Variants in KIDINS220 observed in about 807,000 individuals in gnomAD.
The protein encoded by KIDINS220 is kinase D interacting substrate 220.
In KIDINS220, 63 loss-of-function variants were observed where a neutral mutation model predicts 157.6. The observed-to-expected ratio is 0.40, with a 90% CI of 0.33 to 0.49. KIDINS220 has a LOEUF of 0.49. Among genes scored for constraint, KIDINS220 ranks in the 20% least tolerant of loss-of-function variants. The pLI, the probability that KIDINS220 is intolerant of heterozygous loss-of-function variation, is 0.66. For missense variants in KIDINS220, 1,772 were observed against 2,171.2 expected (o/e 0.82, Z 3.65); for synonymous variants, 732 against 783.6 (o/e 0.93, Z 1.10).
chr2:8,739,194 A>G (rs1254055821), intron 26 of KIDINS220, among the ~76,000 whole-genome samples: 1 of 152,178 alleles, frequency 6.6e-6, no homozygotes, highest in African/African-American at 2.4e-5. Context: ...TACAACTTCT[A>G]CAATTTATCA....
At chr2:8,756,373 T>A (rs1026494173) in intron 22 of KIDINS220, among the ~76,000 whole-genome samples, 2 of 152,214 alleles carry the variant, frequency 1.3e-5, no homozygotes, top group Admixed American at 1.3e-4. Context: ...TTCTGTGGGC[T>A]CTTTGGGATT....
chr2:8,759,886 T>C (rs1558361721), intron 22 of KIDINS220, among the ~76,000 whole-genome samples: 1 of 152,176 alleles, frequency 6.6e-6, no homozygotes, highest in East Asian at 1.9e-4. Flanking sequence ...CTTCTCTCTC[T>C]GCATCCCATA....
chr2:8,729,854 C>T lies in KIDINS220; in HGVS notation c.*866G>A. 2 of 983,978 alleles carry T rather than the reference C, an allele frequency of 2.0e-6. No homozygotes were observed. Among genetic ancestry groups the T allele is most frequent in the Non-Finnish European group, 2.4e-6 (2 of 828,672 alleles). 61.0% of individuals were successfully genotyped at this position (983,978 alleles called of 1,614,324 possible). On this transcript the variant is annotated 3_prime_UTR_variant, in exon 30 of 30. Coordinates refer to ENST00000256707, the MANE Select transcript of KIDINS220 (RefSeq NM_020738.4). ...ATATTTATTAGTACCTATTATTACC[C>T]ATGTCTCCCTGATTTTCCAGAAAAA...
At chr2:8,824,501 C>T (rs1273292423) in intron 2 of KIDINS220, among the ~76,000 whole-genome samples, 1 of 151,844 alleles carries the variant, frequency 6.6e-6, no homozygotes, top group East Asian at 1.9e-4. Context: ...GGCAACATGG[C>T]AAAACCCCAT....
intron 20 of KIDINS220, among the ~76,000 whole-genome samples, chr2:8,777,308 T>A (rs755548305): frequency 2.6e-5 from 4 of 152,162 alleles, no homozygotes; most frequent in Non-Finnish European, 5.9e-5. Flanking sequence ...TTTAGGTTAT[T>A]ATTATTGTTA....
chr2:8,754,731 T>C (rs1667784493), intron 22 of KIDINS220, among the ~76,000 whole-genome samples: 1 of 152,224 alleles, frequency 6.6e-6, no homozygotes, highest in Non-Finnish European at 1.5e-5. Context: ...TCACTTCCAT[T>C]CAAAATGAGG....
chr2:8,817,822 C>T lies in KIDINS220; in HGVS notation c.208-106G>A, dbSNP rs538558235. On this transcript the variant is annotated intron_variant, in intron 3 of 29. Transcript: ENST00000256707. ...ATACCAAATGATCATACCAAGTTGA[C>T]ATGGTGTGACCCATGCTAACTAAAC... The T allele has an allele frequency of 1.3e-5, 9 of 708,916 alleles. No homozygotes were observed. The African/African-American group carries it at 1.6e-4, about 13-fold the overall frequency. The allele number at this position is 708,916 out of a possible 1,614,324, so 43.9% of individuals were successfully genotyped here. A position where few individuals can be genotyped will look rare whatever the true frequency, so the allele number is the denominator to read the frequency against.
intron 6 of KIDINS220, among the ~76,000 whole-genome samples, chr2:8,812,158 C>T (rs534266557): frequency 1.3e-5 from 2 of 152,100 alleles, no homozygotes; most frequent in Non-Finnish European, 2.9e-5. Context: ...ACTCTGTTAT[C>T]CCGGTCAGTT....
At chr2:8,793,589 C>T (rs534327264) in intron 12 of KIDINS220, among the ~76,000 whole-genome samples, 4 of 152,060 alleles carry the variant, frequency 2.6e-5, no homozygotes, top group African/African-American at 4.8e-5. Context: ...ACAAGCACAC[C>T]ACCACGCTCA....
At chr2:8,800,755 A>G (rs1674575337) in intron 8 of KIDINS220, among the ~76,000 whole-genome samples, 1 of 152,214 alleles carries the variant, frequency 6.6e-6, no homozygotes, top group Non-Finnish European at 1.5e-5. Flanking sequence ...AAGACCAGTT[A>G]CCCAGAACAA....
intron 22 of KIDINS220, among the ~76,000 whole-genome samples, chr2:8,768,943 T>A (rs1265560882): frequency 6.6e-6 from 1 of 152,194 alleles, no homozygotes; most frequent in African/African-American, 2.4e-5. Flanking sequence ...TTAGACTAGC[T>A]ACGAAATATT....
chr2:8,828,464 T>G (rs1050434770), intron 1 of KIDINS220, among the ~76,000 whole-genome samples: 1 of 152,204 alleles, frequency 6.6e-6, no homozygotes, highest in African/African-American at 2.4e-5. Context: ...CTACCATAAC[T>G]ATAAGTTCTA....
Position 8,731,616 on chromosome 2 carries a change from C to G in KIDINS220, c.4420G>C (p.Asp1474His). The change falls in exon 30 of 30, where the codon GAT becomes CAT. Residue 1474 changes from aspartate to histidine, a missense_variant. Asp to His is a moderately conservative substitution (Grantham distance 81, BLOSUM62 -1). Transcript: ENST00000256707. This position sits in a 1 kb window ranked among gnomAD's most constrained non-coding sequence, Gnocchi z 5.2. ...TTTTCATCTTCTTCAGTGATAGGAT[C>G]CAGGGGGGAAGCATCGTTGGTGGAA... is the stretch of plus-strand genomic sequence containing the variant. Reference protein sequence around the residue: ...GVSTNDASPLDPITEEDEKSD... With the variant: ...GVSTNDASPLHPITEEDEKSD... 4 of 1,614,140 alleles carry G rather than the reference C, an allele frequency of 2.5e-6. No individual in the cohort carries two copies. The highest frequency in any genetic ancestry group is 3.4e-6 in the Non-Finnish European group (4 of 1,180,024).
chr2:8,747,605 C>T (rs942245963), intron 25 of KIDINS220: 4 of 322,738 alleles, frequency 1.2e-5, no homozygotes, highest in Non-Finnish European at 2.2e-5. Flanking sequence ...AATGTAAAGG[C>T]TTAGTTTTAA....
rs1251218572 is a variant in KIDINS220 at position 8,770,951 on chromosome 2, AC to A, written c.2849-120del. ...TAAAATTTACCATTTAATTTATACT[AC>A]AAATTCAAATCTAGTACTGCCATGG... is the stretch of plus-strand genomic sequence containing the variant. On this transcript the variant is annotated intron_variant, in intron 21 of 29. Coordinates refer to ENST00000256707, the MANE Select transcript of KIDINS220 (RefSeq NM_020738.4). The A allele has an allele frequency of 8.7e-6, 5 of 572,420 alleles. No homozygotes were observed. The Admixed American group carries it at 1.6e-4, about 18-fold the overall frequency. The allele number at this position is 572,420 out of a possible 1,614,324, so 35.5% of individuals were successfully genotyped here. A position where few individuals can be genotyped will look rare whatever the true frequency, so the allele number is the denominator to read the frequency against.
chr2:8,759,187 G>A (rs2148098877), intron 22 of KIDINS220, among the ~76,000 whole-genome samples: 1 of 152,260 alleles, frequency 6.6e-6, no homozygotes, highest in South Asian at 2.1e-4. Context: ...AAGTGTGTTT[G>A]TCTATTTCTG....
At chr2:8,739,447 C>A (rs947876623) in intron 26 of KIDINS220, among the ~76,000 whole-genome samples, 1 of 152,022 alleles carries the variant, frequency 6.6e-6, no homozygotes, top group Non-Finnish European at 1.5e-5. Flanking sequence ...ATGGTAATTA[C>A]CTGCTAGACC....
intron 1 of KIDINS220, among the ~76,000 whole-genome samples, chr2:8,829,129 G>T (rs528955100): frequency 6.6e-6 from 1 of 152,242 alleles, no homozygotes; most frequent in South Asian, 2.1e-4. Flanking sequence ...AAAACTGCAG[G>T]GGCAGAAAAC....
intron 21 of KIDINS220, among the ~76,000 whole-genome samples, chr2:8,771,867 T>C (rs1670281473): frequency 6.6e-6 from 1 of 152,092 alleles, no homozygotes; most frequent in African/African-American, 2.4e-5. Flanking sequence ...GACATGGCTA[T>C]GCTGGAGATA....
Sources: gnomAD v4.1 joint callset for allele counts (sites outside exome capture counted in the v4.1 genomes callset) on GRCh38, gnomAD v4.1.1 for gene constraint, Gnocchi (gnomAD v3.1) non-coding constraint, MANE v1.5 for transcripts, NCBI Gene and HGNC (gene_info 2026-07-23, HGNC 2026-07-21) for gene names.